SP3: variants seen among roughly 807,000 people sequenced by gnomAD.
The protein encoded by SP3 is Sp3 transcription factor.
In SP3, 10 loss-of-function variants were observed where a neutral mutation model predicts 70.3. The ratio of observed to expected loss-of-function variants is 0.14; its 90% confidence interval spans 0.09 to 0.24. The LOEUF is 0.24. SP3 is among the 10% of genes least tolerant of loss of function. The pLI is 1.00. For synonymous variants in SP3, 402 were observed against 333.5 expected (o/e 1.21, Z -2.24); for missense variants, 825 against 914.6 (o/e 0.90, Z 1.26).
intron 4 of SP3, among the ~76,000 whole-genome samples, chr2:173,946,283 T>C (rs1034554376): frequency 1.1e-4 from 16 of 152,042 alleles, no homozygotes; most frequent in Non-Finnish European, 2.1e-4. Context: ...ACTTTTGAAA[T>C]TTTTTATATT....
At chr2:173,959,478 C>A (rs574096421) in intron 3 of SP3, among the ~76,000 whole-genome samples, 1 of 152,166 alleles carries the variant, frequency 6.6e-6, no homozygotes, top group Non-Finnish European at 1.5e-5. Flanking sequence ...GTAATCCTAG[C>A]ACTGTGGGAG....
At position 173,955,699 on chromosome 2, in the gene SP3, A is replaced by T; in HGVS notation, c.813T>A (p.Ser271Arg). 1 of 1,614,224 alleles carries T rather than the reference A, an allele frequency of 6.2e-7. No homozygotes were observed. Among genetic ancestry groups the T allele is most frequent in the Non-Finnish European group, 8.5e-7 (1 of 1,180,038 alleles). Reference protein sequence around the residue: ...PGNITFVPINSVDLDSLGLSG... With the variant: ...PGNITFVPINRVDLDSLGLSG... ...AGAGTCCCAAAGAATCTAGATCGACACTATTGATTGGTACAAACGTAATAT... is the reference window on the plus strand; with the variant it reads ...AGAGTCCCAAAGAATCTAGATCGACTCTATTGATTGGTACAAACGTAATAT... The change falls in exon 4 of 7, where the codon AGT becomes AGA. Residue 271 changes from serine (S) to arginine (R), a missense_variant. Ser to Arg is a moderately radical substitution (Grantham distance 110). Transcript: ENST00000310015.
intron 3 of SP3, among the ~76,000 whole-genome samples, chr2:173,957,391 A>G (rs930758018): frequency 1.3e-5 from 2 of 152,184 alleles, no homozygotes; most frequent in African/African-American, 4.8e-5. Flanking sequence ...GGAAGACACA[A>G]GATTGAAAAA....
At chr2:173,935,034 G>A (rs530360215) in intron 4 of SP3, among the ~76,000 whole-genome samples, 2 of 152,252 alleles carry the variant, frequency 1.3e-5, no homozygotes, top group African/African-American at 4.8e-5. Flanking sequence ...CTGATATGTC[G>A]ACTGGTATCA....
At chr2:173,952,430 T>C (rs1690735206) in intron 4 of SP3, among the ~76,000 whole-genome samples, 1 of 152,080 alleles carries the variant, frequency 6.6e-6, no homozygotes, top group South Asian at 2.1e-4. Flanking sequence ...AGATGGGCAA[T>C]AATAAGGTTG....
chr2:173,911,545 T>C (rs954566678), intron 6 of SP3, among the ~76,000 whole-genome samples: 3 of 152,304 alleles, frequency 2.0e-5, no homozygotes, highest in Non-Finnish European at 4.4e-5. Flanking sequence ...CAATCTAGCA[T>C]TTAATTTAAA....
At chr2:173,964,013 T>C (rs1254006854) in intron 2 of SP3, 130 bp from the exon 3 acceptor site, 21 of 466,216 alleles carry the variant, frequency 4.5e-5, no homozygotes, top group Non-Finnish European at 6.8e-5. Flanking sequence ...CAGCCCGCGC[T>C]CTCCTCCTCC....
In SP3 at chr2:173,965,356, A is replaced by AG. The variant is rs1011815865; in HGVS notation, c.-186dup. ...CAAAAGGTGGAGCCTCCAGCCCAAA[A>AG]GGGGGGAAGAGGGTGACAGCCCGCC... On this transcript the variant is annotated 5_prime_UTR_variant, in exon 1 of 7. Coordinates refer to ENST00000310015, the MANE Select transcript of SP3 (RefSeq NM_003111.5). The AG allele has an allele frequency of 4.7e-6, 3 of 640,216 alleles. No individual in the cohort carries two copies. The highest frequency in any genetic ancestry group is 8.0e-6 in the Non-Finnish European group (3 of 373,644). 39.7% of individuals were successfully genotyped at this position (640,216 alleles called of 1,614,324 possible).
intron 4 of SP3, among the ~76,000 whole-genome samples, chr2:173,951,141 A>T (rs1219172921): frequency 1.3e-5 from 2 of 152,200 alleles, no homozygotes; most frequent in Non-Finnish European, 2.9e-5. Context: ...GACCAACATA[A>T]ATCCACAAAA....
chr2:173,944,309 G>A (rs551502288), intron 4 of SP3, among the ~76,000 whole-genome samples: 7 of 152,280 alleles, frequency 4.6e-5, no homozygotes, highest in Non-Finnish European at 7.4e-5. Context: ...CAAGGCAAGC[G>A]GACTGCTTGA....
Position 173,926,508 on chromosome 2 carries a change from C to T in SP3, c.1640-7723G>A, listed in dbSNP as rs567452467. ...GACAAGTGCCAAGCATCCTGTAGAA[C>T]GCACCAGAGGCTGGGCACGGTGGCT... On this transcript the variant is annotated intron_variant, in intron 4 of 6. Transcript: ENST00000310015. 4.6e-5 allele frequency among the ~76,000 whole-genome samples: 7 copies of T among 152,128 alleles called. No individual in the cohort carries two copies. In the East Asian group the frequency reaches 5.8e-4, roughly 13 times the overall value.
At position 173,910,151 on chromosome 2, in the gene SP3, G is replaced by A. The variant is rs1180841320; in HGVS notation, c.2136C>T (p.Ser712=). The A allele has an allele frequency of 6.2e-7, 1 of 1,613,898 alleles. No homozygotes were observed. Among genetic ancestry groups the A allele is most frequent in the Admixed American group, 1.7e-5 (1 of 60,002 alleles). ...THQNKKGIHS[S]STVLASVEAA... is the part of the protein sequence containing the mutation. ...CTTCCACAGATGCCAGCACTGTACT[G>A]CTAGAGTGAATACCTTTTTTATTCT... Residue 712 remains serine (S), a synonymous_variant, in exon 7 of 7, where the codon AGC becomes AGT. Coordinates refer to ENST00000310015, the MANE Select transcript of SP3 (RefSeq NM_003111.5).
rs745655065 is a variant in SP3, at chr2:173,964,434, C to G, written c.127G>C (p.Gly43Arg). The change falls in exon 2 of 7, where the codon GGT becomes CGT. Residue 43 changes from glycine to arginine, a missense_variant. Coordinates refer to ENST00000310015, the MANE Select transcript of SP3 (RefSeq NM_003111.5). Reference protein sequence around the residue: ...YLQQQQQHGNGAVAAAAAAQD... With the variant: ...YLQQQQQHGNRAVAAAAAAQD... ...GCCGCCGCTGCCGCCGCCACCGCAC[C>G]GTTTCCGTGCTGTTGCTGCTGCTGC... 3.1e-5 allele frequency: 23 copies of G among 735,448 alleles called. No homozygotes were observed. Among genetic ancestry groups the G allele is most frequent in the Admixed American group, 5.4e-5 (3 of 55,188 alleles). The allele number at this position is 735,448 out of a possible 1,614,324, so 45.6% of individuals were successfully genotyped here.
chr2:173,906,506 A>C lies in SP3; in HGVS notation c.*3435T>G, dbSNP rs1689326182. On this transcript the variant is annotated 3_prime_UTR_variant, in exon 7 of 7. Coordinates refer to ENST00000310015, the MANE Select transcript of SP3 (RefSeq NM_003111.5). ...GTGAAAAATAATTCTTTTACAACAA[A>C]AACGATTGTTACCAGCTTCATATAA... 1 of 152,222 alleles carries C rather than the reference A, an allele frequency of 6.6e-6. No individual in the cohort carries two copies. The highest frequency in any genetic ancestry group is 2.4e-5 in the African/African-American group (1 of 41,454). 9.4% of individuals were successfully genotyped at this position (152,222 alleles called of 1,614,324 possible).
At position 173,904,249 on chromosome 2, in the gene SP3, T is replaced by C. The variant is rs182987146; in HGVS notation, c.*5692A>G. Among the ~76,000 whole-genome samples the C allele has an allele frequency of 1.4e-4, 21 of 152,148 alleles. No homozygotes were observed. Among genetic ancestry groups the C allele is most frequent in the Admixed American group, 1.2e-3 (18 of 15,272 alleles). Reference sequence around the variant, plus strand: ...AGGACCAGTCTGTGGCCCAGGTGGTTCCTCACAGACCAGGGACCAGTACCG... The same window carrying C: ...AGGACCAGTCTGTGGCCCAGGTGGTCCCTCACAGACCAGGGACCAGTACCG... On this transcript the variant is annotated 3_prime_UTR_variant, in exon 7 of 7. Transcript: ENST00000310015.
intron 4 of SP3, among the ~76,000 whole-genome samples, chr2:173,927,543 G>C (rs1366952982): frequency 6.6e-6 from 1 of 152,070 alleles, no homozygotes; most frequent in Non-Finnish European, 1.5e-5. Flanking sequence ...CTCCCAAAGT[G>C]CTGGGATTAC....
intron 4 of SP3, among the ~76,000 whole-genome samples, chr2:173,946,721 C>A (rs908113980): frequency 7.7e-6 from 1 of 129,268 alleles, no homozygotes; most frequent in African/African-American, 2.9e-5. Flanking sequence ...AAAGATCTGC[C>A]TTTTTTTTTT....
At chr2:173,937,133 T>G (rs750836055) in intron 4 of SP3, among the ~76,000 whole-genome samples, 1 of 152,232 alleles carries the variant, frequency 6.6e-6, no homozygotes, top group African/African-American at 2.4e-5. Flanking sequence ...CAGTTGACTA[T>G]TTACATTTTC....
intron 4 of SP3, among the ~76,000 whole-genome samples, chr2:173,948,237 C>T (rs904511935): frequency 7.2e-5 from 11 of 152,172 alleles, no homozygotes; most frequent in African/African-American, 2.4e-4. Flanking sequence ...GTTTTGCTTT[C>T]CACAATGGTT....
Sources: gnomAD v4.1 joint callset for allele counts (sites outside exome capture counted in the v4.1 genomes callset) on GRCh38, gnomAD v4.1.1 for gene constraint, MANE v1.5 for transcripts, NCBI Gene and HGNC (gene_info 2026-07-23, HGNC 2026-07-21) for gene names.